Variants in SLC44A1 observed in about 807,000 individuals in gnomAD.
SLC44A1 encodes choline transporter-like protein 1.
A neutral mutation model predicts 79.3 loss-of-function variants in SLC44A1; 26 were observed. The ratio of observed to expected loss-of-function variants is 0.33; its 90% confidence interval spans 0.24 to 0.46. The LOEUF (loss-of-function observed/expected upper bound fraction) is 0.46, where lower values mean the gene tolerates loss of function less well. Among genes scored for constraint, SLC44A1 ranks in the 20% least tolerant of loss-of-function variants. The pLI is 1.00. For synonymous variants in SLC44A1, 263 were observed against 286.2 expected (o/e 0.92, Z 0.82); for missense variants, 688 against 798.1 (o/e 0.86, Z 1.66).
chr9:105,406,759 T>A (rs1040113572), intron 15 of SLC44A1, among the ~76,000 whole-genome samples: 13 of 152,164 alleles, frequency 8.5e-5, no homozygotes, highest in Non-Finnish European at 1.5e-4. Flanking sequence ...AAAATTTTTT[T>A]AAAAAGAAAC....
intron 4 of SLC44A1, among the ~76,000 whole-genome samples, chr9:105,339,836 A>G (rs1324049496): frequency 6.6e-6 from 1 of 152,124 alleles, no homozygotes; most frequent in Non-Finnish European, 1.5e-5. Flanking sequence ...AACCTCAAAA[A>G]CAAACAAAAA....
At chr9:105,249,524 A>C (rs1829531001) in intron 1 of SLC44A1, among the ~76,000 whole-genome samples, 1 of 142,496 alleles carries the variant, frequency 7.0e-6, no homozygotes, top group Non-Finnish European at 1.5e-5. Flanking sequence ...TAGAAATGGT[A>C]ATTTTTTTTT....
intron 5 of SLC44A1, among the ~76,000 whole-genome samples, chr9:105,349,259 C>T (rs1485840068): frequency 6.6e-6 from 1 of 152,148 alleles, no homozygotes; most frequent in African/African-American, 2.4e-5. Flanking sequence ...CTGTGTGTAA[C>T]ATGAGTCAAC....
At chr9:105,345,993 A>AG (rs1491268083) in intron 4 of SLC44A1, among the ~76,000 whole-genome samples, 1 of 109,152 alleles carries the variant, frequency 9.2e-6, no homozygotes, top group Non-Finnish European at 1.9e-5. Context: ...ACTTTCACTG[A>AG]AAAAAAAAAA....
At chr9:105,351,048 A>G (rs1431521672) in intron 5 of SLC44A1, among the ~76,000 whole-genome samples, 2 of 152,214 alleles carry the variant, frequency 1.3e-5, no homozygotes, top group Admixed American at 6.5e-5. Context: ...TGAAATGCCA[A>G]CCATGGTGGC....
At chr9:105,290,884 A>G (rs1431993240) in intron 1 of SLC44A1, among the ~76,000 whole-genome samples, 1 of 152,228 alleles carries the variant, frequency 6.6e-6, no homozygotes, top group African/African-American at 2.4e-5. Context: ...CACGCAGTGT[A>G]TCTTAATACC....
At chr9:105,387,527 G>A (rs1045446353) in intron 15 of SLC44A1, among the ~76,000 whole-genome samples, 4 of 152,096 alleles carry the variant, frequency 2.6e-5, no homozygotes, top group Admixed American at 2.0e-4. Flanking sequence ...AATGAGGAAG[G>A]CTTCCTTCCT....
At position 105,362,844 on chromosome 9, in the gene SLC44A1, G is replaced by T; in HGVS notation, c.924G>T (p.Leu308Phe). ...AGGTGATCTTATTCCTGATAATGTT[G>T]GTTATGCGCAAACGTGTTGCTCTTA... ...VFTVILFLIM[L>F]VMRKRVALTI... The change falls in exon 9 of 16, where the codon TTG becomes TTT. Residue 308 changes from leucine (L) to phenylalanine (F), a missense_variant. Leu to Phe is a conservative substitution (Grantham distance 22). Transcript: ENST00000374720. 6.2e-7 allele frequency: 1 copy of T among 1,606,690 alleles called. No individual in the cohort carries two copies. Among genetic ancestry groups the T allele is most frequent in the Non-Finnish European group, 8.5e-7 (1 of 1,177,302 alleles).
intron 3 of SLC44A1, among the ~76,000 whole-genome samples, chr9:105,314,987 G>A (rs762458694): frequency 1.2e-4 from 18 of 152,178 alleles, no homozygotes; most frequent in Non-Finnish European, 2.2e-4. Context: ...ACCCTCAGTC[G>A]GTGCTCTTCG....
chr9:105,438,325 C>T, exon 16 of SLC44A1: 1 of 1,545,752 alleles, frequency 6.5e-7, no homozygotes, highest in Non-Finnish European at 8.8e-7. Flanking sequence ...AGAATGAACT[C>T]AGAGGAGGTT....
intron 2 of SLC44A1, among the ~76,000 whole-genome samples, chr9:105,300,222 G>A (rs1481624030): frequency 6.6e-6 from 1 of 152,132 alleles, no homozygotes; most frequent in Non-Finnish European, 1.5e-5. Context: ...CAGAGCCCAG[G>A]TCTGTTCACT....
chr9:105,316,743 C>A (rs1021391959), intron 3 of SLC44A1, among the ~76,000 whole-genome samples: 20 of 152,256 alleles, frequency 1.3e-4, no homozygotes, highest in Admixed American at 5.9e-4. Context: ...TTCCTGAGTT[C>A]CTAACAGCAG....
At chr9:105,275,804 ATTT>A (rs1229808333) in intron 1 of SLC44A1, among the ~76,000 whole-genome samples, 4 of 138,908 alleles carry the variant, frequency 2.9e-5, no homozygotes, top group Admixed American at 7.2e-5. Context: ...TGGAAGAACA[ATTT>A]TTTTTTTTTT....
intron 5 of SLC44A1, among the ~76,000 whole-genome samples, chr9:105,351,613 A>G (rs1827432143): frequency 1.1e-5 from 1 of 94,012 alleles, no homozygotes; most frequent in African/African-American, 4.8e-5. Context: ...AAAGAAAGAA[A>G]GAAAGAAAGA....
Position 105,389,669 on chromosome 9 carries a change from A to G in SLC44A1, c.*613A>G. Reference sequence around the variant, plus strand: ...GTTCATACATTTGTCAGCCAACATTAAAAGGTAACCAACTCCTCAGGTATT... The same window carrying G: ...GTTCATACATTTGTCAGCCAACATTGAAAGGTAACCAACTCCTCAGGTATT... On this transcript the variant is annotated 3_prime_UTR_variant, in exon 16 of 16. Transcript: ENST00000374720. The G allele has an allele frequency of 8.1e-7, 1 of 1,231,518 alleles. No individual in the cohort carries two copies. Among genetic ancestry groups the G allele is most frequent in the Non-Finnish European group, 1.0e-6 (1 of 986,168 alleles). 76.3% of individuals were successfully genotyped at this position (1,231,518 alleles called of 1,614,324 possible).
At chr9:105,432,101 T>C (rs1400859731) in intron 15 of SLC44A1, among the ~76,000 whole-genome samples, 1 of 152,180 alleles carries the variant, frequency 6.6e-6, no homozygotes, top group Non-Finnish European at 1.5e-5. Context: ...TTTTTATTTT[T>C]AGTAGAGACG....
intron 1 of SLC44A1, 78 bp from the exon 2 acceptor site, chr9:105,299,142 A>G (rs1830807537): frequency 1.0e-6 from 1 of 966,078 alleles, no homozygotes; most frequent in Non-Finnish European, 1.6e-6. Context: ...GGCTCTAGCT[A>G]TAGCTGGTGT....
intron 8 of SLC44A1, among the ~76,000 whole-genome samples, chr9:105,361,978 A>G (rs1564458654): frequency 6.6e-6 from 1 of 152,054 alleles, no homozygotes; most frequent in Non-Finnish European, 1.5e-5. Flanking sequence ...CTGAGCCATG[A>G]TTGTGTCACT....
intron 1 of SLC44A1, among the ~76,000 whole-genome samples, chr9:105,250,509 AAATATTTC>A (rs1213446034): frequency 2.0e-5 from 3 of 152,228 alleles, no homozygotes; most frequent in Non-Finnish European, 4.4e-5. Context: ...AGAAAGAATG[AAATATTTC>A]AATTTTGTAA....
Sources: gnomAD v4.1 joint callset for allele counts (sites outside exome capture counted in the v4.1 genomes callset) on GRCh38, gnomAD v4.1.1 for gene constraint, MANE v1.5 for transcripts, NCBI Gene and HGNC (gene_info 2026-07-23, HGNC 2026-07-21) for gene names.